KY: variants seen among roughly 807,000 people sequenced by gnomAD.
KY encodes the protein kyphoscoliosis peptidase.
Under a neutral mutation model 76.1 loss-of-function variants are expected in KY, and 43 were observed. The ratio of observed to expected loss-of-function variants is 0.57; its 90% CI spans 0.44 to 0.73. The LOEUF is 0.73. Ranked by LOEUF, KY falls within the 30% of genes least tolerant of loss-of-function variation. KY has a pLI of 0.00. For synonymous variants in KY, 277 were observed against 326.2 expected, an observed-to-expected ratio of 0.85 and a Z score of 1.63; for missense variants, 722 against 828.9, an observed-to-expected ratio of 0.87 and a Z score of 1.58.
chr3:134,625,391 G>A (rs772763853), intron 5 of KY, among the ~76,000 whole-genome samples: 5 of 152,260 alleles, frequency 3.3e-5, no homozygotes, highest in Admixed American at 6.5e-5. Context: ...TAGACTCTGA[G>A]AAGTCAGAAG....
intron 8 of KY, 107 bp downstream of exon 8, chr3:134,619,041 T>C: frequency 1.1e-6 from 1 of 885,704 alleles, no homozygotes; most frequent in African/African-American, 1.6e-5. Context: ...GAGCAGAGTT[T>C]GTAAACTCAG....
In KY at chr3:134,603,567, G is replaced by A. The variant is rs199792398; in HGVS notation, c.*12C>T. ...CTTGGCCCTTTGGGAGGGTAAGACCGGGGCACAGCCCTCACTGGGCATTCA... is the reference window on the plus strand; with the variant it reads ...CTTGGCCCTTTGGGAGGGTAAGACCAGGGCACAGCCCTCACTGGGCATTCA... On this transcript the variant is annotated 3_prime_UTR_variant, in exon 11 of 11. Transcript: ENST00000423778. 6.4e-6 allele frequency: 10 copies of A among 1,557,510 alleles called. No homozygotes were observed. The highest frequency in any genetic ancestry group is 2.3e-5 in the East Asian group (1 of 44,212).
chr3:134,610,082 C>T, intron 9 of KY, 113 bp downstream of exon 9: 1 of 1,186,816 alleles, frequency 8.4e-7, no homozygotes, highest in South Asian at 1.4e-5. Context: ...CATGGGGCCT[C>T]CTGGCTCTCC....
intron 5 of KY, among the ~76,000 whole-genome samples, chr3:134,626,737 A>G (rs1963504959): frequency 6.6e-6 from 1 of 152,118 alleles, no homozygotes; most frequent in Non-Finnish European, 1.5e-5. Context: ...ATGCCCACTT[A>G]TTGGGGAGCT....
chr3:134,637,619 T>C (rs1197018317), intron 3 of KY, among the ~76,000 whole-genome samples: 1 of 152,178 alleles, frequency 6.6e-6, no homozygotes, highest in Non-Finnish European at 1.5e-5. Flanking sequence ...CAACAACAAA[T>C]CTCTTCCCCA....
At chr3:134,607,453 G>A in intron 10 of KY, 1 of 985,692 alleles carries the variant, frequency 1.0e-6, no homozygotes, top group Non-Finnish European at 1.2e-6. Flanking sequence ...GTCAGTGTGA[G>A]CTCAGACCTC....
At chr3:134,643,980 C>G (rs1026370632) in intron 2 of KY, among the ~76,000 whole-genome samples, 2 of 152,298 alleles carry the variant, frequency 1.3e-5, no homozygotes, top group East Asian at 3.9e-4. Context: ...GTGCCCGCCA[C>G]CACACTGGCT....
At chr3:134,642,445 G>A (rs1965881142) in intron 3 of KY, among the ~76,000 whole-genome samples, 1 of 152,204 alleles carries the variant, frequency 6.6e-6, no homozygotes, top group South Asian at 2.1e-4. Flanking sequence ...TAACCAAGGT[G>A]GGCGTGAGAG....
chr3:134,643,263 AGGTCT>A lies in KY; in HGVS notation c.262+48_262+52del. ...CTGGGCTGTCGCTGGCCAGAGCATC[AGGTCT>A]GGGCACACCTCTGCAGGGGAGGTCA... is the stretch of plus-strand genomic sequence containing the variant. On this transcript the variant is annotated intron_variant, in intron 3 of 10. Transcript: ENST00000423778. 1.9e-6 allele frequency: 3 copies of A among 1,557,894 alleles called. No individual in the cohort carries two copies. The South Asian group carries it at 3.4e-5, about 18-fold the overall frequency.
At chr3:134,650,337 A>G (rs1209419775) in intron 1 of KY, among the ~76,000 whole-genome samples, 1 of 152,180 alleles carries the variant, frequency 6.6e-6, no homozygotes, top group Non-Finnish European at 1.5e-5. Context: ...GTCTCAAGAA[A>G]GGAGAAACTG....
In KY at chr3:134,604,491, A is replaced by G; in HGVS notation, c.1091-17T>C. The stretch of plus-strand genomic sequence containing the variant: ...TCCCATTCACTGAGGAGAGAAAGTC[A>G]GGGTCAGCAGAGATGGGTCCAGCAC... On this transcript the variant is annotated splice_polypyrimidine_tract_variant and intron_variant, in intron 10 of 10. Transcript: ENST00000423778. 6.3e-7 allele frequency: 1 copy of G among 1,589,650 alleles called. No homozygotes were observed. Among genetic ancestry groups the G allele is most frequent in the Admixed American group, 1.7e-5 (1 of 58,838 alleles).
At chr3:134,621,270 T>C (rs1485273186) in intron 6 of KY, among the ~76,000 whole-genome samples, 1 of 152,132 alleles carries the variant, frequency 6.6e-6, no homozygotes, top group African/African-American at 2.4e-5. Flanking sequence ...CCAAAACAAT[T>C]TTGAAAAAAG....
intron 1 of KY, among the ~76,000 whole-genome samples, chr3:134,649,368 T>A (rs560102926): frequency 6.6e-6 from 1 of 152,294 alleles, no homozygotes; most frequent in East Asian, 1.9e-4. Flanking sequence ...CCCTTTCTAG[T>A]GTCAGAGCCT....
intron 3 of KY, among the ~76,000 whole-genome samples, chr3:134,634,999 T>C (rs1261696505): frequency 8.5e-5 from 13 of 152,340 alleles, no homozygotes; most frequent in Admixed American, 7.8e-4. Context: ...CAGTTTCTTA[T>C]AAAACAAAAC....
At chr3:134,604,723 G>T (rs954122986) in intron 10 of KY, among the ~76,000 whole-genome samples, 3 of 152,182 alleles carry the variant, frequency 2.0e-5, no homozygotes, top group African/African-American at 7.2e-5. Flanking sequence ...TTCTTTGAGA[G>T]AAATGAAAGC....
chr3:134,644,085 A>C (rs1043403091), intron 2 of KY, among the ~76,000 whole-genome samples: 1 of 152,110 alleles, frequency 6.6e-6, no homozygotes, highest in South Asian at 2.1e-4. Flanking sequence ...TCAGCCTCCC[A>C]AAGTGCTGGG....
intron 3 of KY, among the ~76,000 whole-genome samples, chr3:134,642,316 G>C (rs555616767): frequency 6.6e-6 from 1 of 152,314 alleles, no homozygotes; most frequent in African/African-American, 2.4e-5. Flanking sequence ...CTCTGAATTT[G>C]ATCAGATAAT....
At chr3:134,614,288 T>C (rs1577635775) in intron 8 of KY, among the ~76,000 whole-genome samples, 1 of 152,158 alleles carries the variant, frequency 6.6e-6, no homozygotes, top group Non-Finnish European at 1.5e-5. Flanking sequence ...CCCAAGGAGA[T>C]TTATTTAATG....
At position 134,647,576 on chromosome 3, in the gene KY, A is replaced by G. The variant is rs573099286; in HGVS notation, c.137-79T>C. On this transcript the variant is annotated intron_variant, in intron 1 of 10. Coordinates refer to ENST00000423778, the MANE Select transcript of KY (RefSeq NM_178554.6). Reference sequence around the variant, plus strand: ...TACCAGTTGCAGACTTATCTAGGTTATGGTAGAGCAGGTGGATCTTGGCTC... The same window carrying G: ...TACCAGTTGCAGACTTATCTAGGTTGTGGTAGAGCAGGTGGATCTTGGCTC... The G allele has an allele frequency of 1.2e-5, 10 of 805,994 alleles. No homozygotes were observed. The South Asian group carries it at 1.6e-4, about 13-fold the overall frequency. 49.9% of individuals were successfully genotyped at this position (805,994 alleles called of 1,614,324 possible).
Sources: gnomAD v4.1 joint callset for allele counts (sites outside exome capture counted in the v4.1 genomes callset) on GRCh38, gnomAD v4.1.1 for gene constraint, MANE v1.5 for transcripts, NCBI Gene and HGNC (gene_info 2026-07-23, HGNC 2026-07-21) for gene names.